C1QL1: variants seen among roughly 807,000 people sequenced by gnomAD.
C1QL1 encodes complement C1q like 1.
In C1QL1, 15 loss-of-function variants were observed where a neutral mutation model predicts 14.2. The ratio of observed to expected loss-of-function variants is 1.06; its 90% confidence interval spans 0.71 to 1.62. The LOEUF (loss-of-function observed/expected upper bound fraction) is 1.62, where lower values mean the gene tolerates loss of function less well. Among genes scored for constraint, C1QL1 ranks in the 40% most tolerant of loss-of-function variants. The pLI, the probability that C1QL1 is intolerant of heterozygous loss-of-function variation, is 0.00. For missense variants in C1QL1, 346 were observed against 380.3 expected (o/e 0.91, Z 0.75); for synonymous variants, 172 against 172.4 (o/e 1.00, Z 0.02).
chr17:44,967,357 C>T lies in C1QL1; in HGVS notation c.597+95G>A. 1 of 1,332,830 alleles carries T rather than the reference C, an allele frequency of 7.5e-7. No individual in the cohort carries two copies. Among genetic ancestry groups the T allele is most frequent in the Non-Finnish European group, 1.0e-6 (1 of 968,656 alleles). 82.6% of individuals were successfully genotyped at this position (1,332,830 alleles called of 1,614,324 possible). On this transcript the variant is annotated intron_variant, in intron 1 of 1. Transcript: ENST00000253407. The surrounding 1 kb of genome is among the most constrained non-coding windows in gnomAD (Gnocchi z 7.0). ...GGGTGGGATCTCCACCTGCGTCCGC[C>T]TGGCGCCCCCGCCAACTCCGATCAG...
At position 44,967,330 on chromosome 17, in the gene C1QL1, T is replaced by G. The variant is rs2052662016; in HGVS notation, c.597+122A>C. On this transcript the variant is annotated intron_variant, in intron 1 of 1. Transcript: ENST00000253407. The surrounding 1 kb of genome is among the most constrained non-coding windows in gnomAD (Gnocchi z 7.0). ...ACGTGATGACCAAGCGGGGCCGCTG[T>G]GGGGTGGGATCTCCACCTGCGTCCG... 9.8e-7 allele frequency: 1 copy of G among 1,020,586 alleles called. No homozygotes were observed. Among genetic ancestry groups the G allele is most frequent in the Non-Finnish European group, 1.4e-6 (1 of 695,980 alleles). 63.2% of individuals were successfully genotyped at this position (1,020,586 alleles called of 1,614,324 possible).
In C1QL1 at chr17:44,967,995, C is replaced by T. The variant is rs564009379; in HGVS notation, c.54G>A (p.Pro18=). The T allele has an allele frequency of 1.4e-6, 2 of 1,385,142 alleles. No homozygotes were observed. The highest frequency in any genetic ancestry group is 1.5e-5 in the African/African-American group (1 of 66,644). 85.8% of individuals were successfully genotyped at this position (1,385,142 alleles called of 1,614,324 possible). Residue 18 remains proline, a synonymous_variant, in exon 1 of 2, where the codon CCG becomes CCA. Transcript: ENST00000253407. This position sits in a 1 kb window ranked among gnomAD's most constrained non-coding sequence, Gnocchi z 7.0. ...LIPVLVSSGG[P]EGHYEMLGTC... ...TGCCCAGCATCTCATAGTGGCCTTC[C>T]GGGCCGCCCGAGCTCACCAGCACGG... is the stretch of plus-strand genomic sequence containing the variant.
chr17:44,967,808 G>C lies in C1QL1; in HGVS notation c.241C>G (p.Pro81Ala). 1 of 1,431,828 alleles carries C rather than the reference G, an allele frequency of 7.0e-7. No homozygotes were observed. The highest frequency in any genetic ancestry group is 9.0e-7 in the Non-Finnish European group (1 of 1,108,072). The allele number at this position is 1,431,828 out of a possible 1,614,324, so 88.7% of individuals were successfully genotyped here. A position where few individuals can be genotyped will look rare whatever the true frequency, so the allele number is the denominator to read the frequency against. Reference sequence around the variant, plus strand: ...GGACCTGGGTCCCCGGGAGGCCCCGGAGGGCCGGGCTTGCCGGTGCGGCCC... The same window carrying C: ...GGACCTGGGTCCCCGGGAGGCCCCGCAGGGCCGGGCTTGCCGGTGCGGCCC... ...KPGRTGKPGPPGPPGDPGPPG... is the reference protein window; with the variant it reads ...KPGRTGKPGPAGPPGDPGPPG... The change falls in exon 1 of 2, where the codon CCG (proline) becomes GCG (alanine). Residue 81 changes from proline (P) to alanine (A), a missense_variant. Transcript: ENST00000253407. This position sits in a 1 kb window ranked among gnomAD's most constrained non-coding sequence, Gnocchi z 7.0.
At position 44,967,541 on chromosome 17, in the gene C1QL1, T is replaced by C. The variant is rs772512668; in HGVS notation, c.508A>G (p.Ile170Val). The C allele has an allele frequency of 1.2e-6, 2 of 1,613,982 alleles. No individual in the cohort carries two copies. The highest frequency in any genetic ancestry group is 2.7e-5 in the African/African-American group (2 of 74,930). The change falls in exon 1 of 2, where the codon ATT (isoleucine) becomes GTT (valine). Residue 170 changes from isoleucine to valine, a missense_variant. Ile to Val is a conservative substitution (Grantham distance 29). Transcript: ENST00000253407. This position sits in a 1 kb window ranked among gnomAD's most constrained non-coding sequence, Gnocchi z 7.0. Reference sequence around the variant, plus strand: ...TAGGTGAAAAAGTAGGTGCCGGGAATGTTGCACGTAAACTTGCCGCTGGCC... The same window carrying C: ...TAGGTGAAAAAGTAGGTGCCGGGAACGTTGCACGTAAACTTGCCGCTGGCC... Reference protein sequence around the residue: ...DAASGKFTCNIPGTYFFTYHV... With the variant: ...DAASGKFTCNVPGTYFFTYHV...
chr17:44,960,892 G>C (rs1197050656), intron 1 of C1QL1, among the ~76,000 whole-genome samples: 1 of 152,234 alleles, frequency 6.6e-6, no homozygotes, highest in Non-Finnish European at 1.5e-5. Flanking sequence ...CTGCCAGTCA[G>C]CAACCACCCT....
At chr17:44,961,213 A>G (rs1334369254) in intron 1 of C1QL1, among the ~76,000 whole-genome samples, 1 of 152,136 alleles carries the variant, frequency 6.6e-6, no homozygotes, top group Non-Finnish European at 1.5e-5. Context: ...ATGGGGAGGG[A>G]CAGGCAGGAT....
chr17:44,964,848 C>CT (rs144651912), intron 1 of C1QL1, among the ~76,000 whole-genome samples: 28 of 149,764 alleles, frequency 1.9e-4, no homozygotes, highest in Middle Eastern at 3.5e-3. Context: ...CTTTTCTTTT[C>CT]TTTTTTTTTT....
chr17:44,965,354 G>T (rs549772452), intron 1 of C1QL1, among the ~76,000 whole-genome samples: 1 of 151,894 alleles, frequency 6.6e-6, no homozygotes, highest in South Asian at 2.1e-4. Flanking sequence ...CGCTGTGTTG[G>T]CCAGGATGAT....
chr17:44,963,998 C>T (rs1374830023), intron 1 of C1QL1, among the ~76,000 whole-genome samples: 1 of 152,230 alleles, frequency 6.6e-6, no homozygotes, highest in East Asian at 1.9e-4. Context: ...CCACTGCCAA[C>T]CCAGAGTCCT....
intron 1 of C1QL1, among the ~76,000 whole-genome samples, chr17:44,964,690 G>A (rs1245105949): frequency 6.6e-6 from 1 of 152,244 alleles, no homozygotes; most frequent in Non-Finnish European, 1.5e-5. Context: ...CTGGCTCCTA[G>A]TAGGGGCTCA....
intron 1 of C1QL1, among the ~76,000 whole-genome samples, chr17:44,966,695 C>T (rs1294668442): frequency 6.6e-6 from 1 of 152,116 alleles, no homozygotes; most frequent in African/African-American, 2.4e-5. Context: ...CCCACACACT[C>T]CAGAGTCAGG....
chr17:44,962,107 TTC>T (rs1441590864), intron 1 of C1QL1, among the ~76,000 whole-genome samples: 1 of 151,772 alleles, frequency 6.6e-6, no homozygotes, highest in African/African-American at 2.4e-5. Context: ...CTGAGTGGAG[TTC>T]TCTCAGCCAG....
Position 44,968,027 on chromosome 17 carries a change from G to T in C1QL1, c.22C>A (p.Leu8Ile). 1 of 1,359,302 alleles carries T rather than the reference G, an allele frequency of 7.4e-7. No homozygotes were observed. Among genetic ancestry groups the T allele is most frequent in the Non-Finnish European group, 9.5e-7 (1 of 1,053,978 alleles). 84.2% of individuals were successfully genotyped at this position (1,359,302 alleles called of 1,614,324 possible). A position where few individuals can be genotyped will look rare whatever the true frequency, so the allele number is the denominator to read the frequency against. The change falls in exon 1 of 2, where the codon CTC (leucine) becomes ATC (isoleucine). Residue 8 changes from leucine (L) to isoleucine (I), a missense_variant. Transcript: ENST00000253407. ...CCCGAGCTCACCAGCACGGGGATGA[G>T]CACCACCAGCACCAGCAGCATCACC... MLLVLVV[L>I]IPVLVSSGGP...
At position 44,964,615 on chromosome 17, in the gene C1QL1, T is replaced by C. The variant is rs145517045; in HGVS notation, c.597+2837A>G. On this transcript the variant is annotated intron_variant, in intron 1 of 1. Transcript: ENST00000253407. ...GGCGTGTGGTTGTATGTTATGAATG[T>C]TCCCCCTGCATAGGCCATGAGGTCT... 1.4e-4 allele frequency among the ~76,000 whole-genome samples: 22 copies of C among 152,316 alleles called. 1 individual carries two copies. In the East Asian group the frequency reaches 3.9e-3, roughly 27 times the overall value.
Position 44,968,083 on chromosome 17 carries a change from C to A in C1QL1, c.-35G>T. 8.0e-7 allele frequency: 1 copy of A among 1,249,508 alleles called. No individual in the cohort carries two copies. The highest frequency in any genetic ancestry group is 1.0e-6 in the Non-Finnish European group (1 of 991,340). The allele number at this position is 1,249,508 out of a possible 1,614,324, so 77.4% of individuals were successfully genotyped here. On this transcript the variant is annotated 5_prime_UTR_variant, in exon 1 of 2. Coordinates refer to ENST00000253407, the MANE Select transcript of C1QL1 (RefSeq NM_006688.5). ...CGCGGCGGCCGCTAGCAGCGTCTTT[C>A]GGCCCGCGCGGAGCCTGGGGAGCGC...
intron 1 of C1QL1, among the ~76,000 whole-genome samples, chr17:44,962,166 TTACCA>T (rs765927981): frequency 2.4e-4 from 37 of 152,218 alleles, no homozygotes; most frequent in Non-Finnish European, 5.1e-4. Context: ...TGAAGGCAGC[TTACCA>T]TCCCAACTCC....
intron 1 of C1QL1, among the ~76,000 whole-genome samples, chr17:44,966,949 A>G (rs1186426890): frequency 6.6e-6 from 1 of 152,192 alleles, no homozygotes; most frequent in Non-Finnish European, 1.5e-5. Flanking sequence ...GGCTGTAAGC[A>G]CCGGGCTCCC....
intron 1 of C1QL1, among the ~76,000 whole-genome samples, chr17:44,966,066 G>T (rs1394030403): frequency 6.6e-6 from 1 of 152,232 alleles, no homozygotes; most frequent in Non-Finnish European, 1.5e-5. Flanking sequence ...TAGATCCGGG[G>T]AGGAGAGGCC....
chr17:44,967,669 A>C lies in C1QL1; in HGVS notation c.380T>G (p.Val127Gly), dbSNP rs138283703. The C allele has an allele frequency of 2.7e-5, 44 of 1,612,990 alleles. No individual in the cohort carries two copies. In the African/African-American group the frequency reaches 4.4e-4, roughly 16 times the overall value. Reference sequence around the variant, plus strand: ...GCCGGCGTAGAAGGCCACGCGCGGCACCGTGGTGTAGGTGGCAGTGCTGAT... The same window carrying C: ...GCCGGCGTAGAAGGCCACGCGCGGCCCCGTGGTGTAGGTGGCAGTGCTGAT... ...GAISTATYTT[V>G]PRVAFYAGLK... Residue 127 changes from valine to glycine, a missense_variant, in exon 1 of 2, where the codon GTG (valine) becomes GGG (glycine). Physicochemically the swap from Val to Gly is moderately radical, Grantham distance 109. Coordinates refer to ENST00000253407, the MANE Select transcript of C1QL1 (RefSeq NM_006688.5). The surrounding 1 kb of genome is among the most constrained non-coding windows in gnomAD (Gnocchi z 7.0).
Sources: allele counts gnomAD v4.1 joint callset (sites outside exome capture counted in the v4.1 genomes callset), GRCh38; gene constraint gnomAD v4.1.1; non-coding constraint Gnocchi (gnomAD v3.1); transcripts MANE v1.5; gene names NCBI Gene and HGNC (gene_info 2026-07-23, HGNC 2026-07-21).